The following RIPOR2 variants were observed in gnomAD, a reference collection of about 807,000 sequenced individuals.
RIPOR2 encodes rho family-interacting cell polarization regulator 2.
In RIPOR2, 39 loss-of-function variants were observed where a neutral mutation model predicts 114.5. That is an observed-to-expected ratio of 0.34 (90% CI 0.26 to 0.44). RIPOR2 has a LOEUF of 0.44. Ranked by LOEUF, RIPOR2 falls within the 20% of genes least tolerant of loss-of-function variation. RIPOR2 has a pLI of 1.00. For synonymous variants in RIPOR2, 445 were observed against 484.4 expected (o/e 0.92, Z 1.07); for missense variants, 1,007 against 1,255.1 (o/e 0.80, Z 2.99).
intron 1 of RIPOR2, among the ~76,000 whole-genome samples, chr6:24,965,887 G>A (rs924551306): frequency 6.6e-6 from 1 of 152,092 alleles, no homozygotes; most frequent in African/African-American, 2.4e-5. Context: ...CTCATCACAT[G>A]GTAGATACAA....
intron 18 of RIPOR2, among the ~76,000 whole-genome samples, chr6:24,825,670 CATAATGGCTACAAAA>C (rs1227661540): frequency 6.6e-6 from 1 of 152,172 alleles, no homozygotes; most frequent in African/African-American, 2.4e-5. Context: ...GTTTCTATCT[CATAATGGCTACAAAA>C]ATAACTTACA....
chr6:24,842,660 A>G (rs1761834437), intron 13 of RIPOR2, among the ~76,000 whole-genome samples: 1 of 152,220 alleles, frequency 6.6e-6, no homozygotes, highest in South Asian at 2.1e-4. Flanking sequence ...ATCCTAATCA[A>G]TTTAGATAAG....
chr6:24,885,582 C>T (rs1025310412), intron 1 of RIPOR2, among the ~76,000 whole-genome samples: 5 of 152,206 alleles, frequency 3.3e-5, no homozygotes, highest in Admixed American at 6.5e-5. Flanking sequence ...ACAATAAGAA[C>T]GTGGAATCCA....
intron 19 of RIPOR2, among the ~76,000 whole-genome samples, chr6:24,821,603 G>A (rs115989377): frequency 0.017 from 2,626 of 152,328 alleles, 34 homozygotes; most frequent in Middle Eastern, 0.027. Flanking sequence ...GACCTAAATA[G>A]TTAGAGCCTG....
At chr6:24,889,250 T>C (rs949396214) in intron 1 of RIPOR2, among the ~76,000 whole-genome samples, 9 of 152,138 alleles carry the variant, frequency 5.9e-5, no homozygotes, top group African/African-American at 2.2e-4. Context: ...TGAGAGCTCA[T>C]CCAAGGGAGG....
At chr6:24,843,882 C>G (rs1484039004) in intron 12 of RIPOR2, among the ~76,000 whole-genome samples, 4 of 151,922 alleles carry the variant, frequency 2.6e-5, no homozygotes, top group African/African-American at 4.8e-5. Context: ...TTTCTGAATT[C>G]CAAGAGCTCA....
chr6:24,823,513 C>T (rs949812265), intron 19 of RIPOR2, among the ~76,000 whole-genome samples: 2 of 152,164 alleles, frequency 1.3e-5, no homozygotes, highest in Admixed American at 1.3e-4. Flanking sequence ...CTACTGGAAA[C>T]TCTTCAAGGG....
intron 1 of RIPOR2, among the ~76,000 whole-genome samples, chr6:24,898,837 C>T (rs1768132275): frequency 6.6e-6 from 1 of 152,126 alleles, no homozygotes; most frequent in Admixed American, 6.5e-5. Flanking sequence ...AAATTTACTG[C>T]TCCGTCATAA....
chr6:24,990,042 A>C (rs1032688977), intron 1 of RIPOR2, among the ~76,000 whole-genome samples: 13 of 152,186 alleles, frequency 8.5e-5, no homozygotes, highest in East Asian at 5.8e-4. Context: ...AAAAATAAAA[A>C]AAAATAAAAA....
At chr6:25,033,013 T>C (rs1462365281) in intron 1 of RIPOR2, among the ~76,000 whole-genome samples, 3 of 152,180 alleles carry the variant, frequency 2.0e-5, no homozygotes, top group Admixed American at 2.0e-4. Context: ...AAGACCAGCC[T>C]GGGCAACAGA....
intron 1 of RIPOR2, among the ~76,000 whole-genome samples, chr6:24,958,308 G>T (rs1220367696): frequency 6.6e-6 from 1 of 152,130 alleles, no homozygotes; most frequent in Non-Finnish European, 1.5e-5. Flanking sequence ...ATCTAAGGAA[G>T]GATGGATTCT....
intron 1 of RIPOR2, among the ~76,000 whole-genome samples, chr6:24,882,346 G>A (rs1413037317): frequency 6.6e-6 from 1 of 152,194 alleles, no homozygotes; most frequent in Non-Finnish European, 1.5e-5. Flanking sequence ...TCAGGCCAGT[G>A]GCCGACCTCC....
intron 1 of RIPOR2, among the ~76,000 whole-genome samples, chr6:24,901,490 C>A (rs911698473): frequency 3.3e-5 from 5 of 152,176 alleles, no homozygotes; most frequent in African/African-American, 1.2e-4. Flanking sequence ...CCATTTCTAT[C>A]CTATTTTAGG....
chr6:24,969,036 A>G (rs1278487934), intron 1 of RIPOR2, among the ~76,000 whole-genome samples: 2 of 152,228 alleles, frequency 1.3e-5, no homozygotes, highest in African/African-American at 4.8e-5. Context: ...TCATTAGACA[A>G]GCGATATAAA....
At chr6:24,918,904 T>TAG (rs1403655794) in intron 1 of RIPOR2, among the ~76,000 whole-genome samples, 1 of 152,218 alleles carries the variant, frequency 6.6e-6, no homozygotes, top group Non-Finnish European at 1.5e-5. Flanking sequence ...AACCATTAGA[T>TAG]ACCCTAGCTA....
chr6:24,980,095 T>C (rs2113579180), intron 1 of RIPOR2, among the ~76,000 whole-genome samples: 1 of 152,360 alleles, frequency 6.6e-6, no homozygotes, highest in South Asian at 2.1e-4. Context: ...AATCTCATCT[T>C]AGATAGGCTC....
At chr6:24,873,603 G>A (rs758078620) in intron 3 of RIPOR2, 41 bp downstream of exon 3, 1 of 1,575,056 alleles carries the variant, frequency 6.3e-7, no homozygotes. Context: ...CTGACCCCTT[G>A]GGTCTTTCCT....
At chr6:24,928,012 A>AT (rs1222154781) in intron 1 of RIPOR2, among the ~76,000 whole-genome samples, 3 of 152,176 alleles carry the variant, frequency 2.0e-5, no homozygotes, top group African/African-American at 7.2e-5. Context: ...GCAACACGTG[A>AT]TTTTTTACTC....
chr6:25,012,629 G>A (rs745396429), intron 1 of RIPOR2, among the ~76,000 whole-genome samples: 38 of 152,118 alleles, frequency 2.5e-4, no homozygotes, highest in Admixed American at 7.2e-4. Context: ...GACACAAAAT[G>A]TTACTTATGA....
Sources: allele counts gnomAD v4.1 joint callset (sites outside exome capture counted in the v4.1 genomes callset), GRCh38; gene constraint gnomAD v4.1.1; transcripts MANE v1.5; gene names NCBI Gene and HGNC (gene_info 2026-07-23, HGNC 2026-07-21).